The following ANKS1B variants were observed in gnomAD, a reference collection of about 807,000 sequenced individuals.
ANKS1B encodes the protein ankyrin repeat and sterile alpha motif domain-containing protein 1B.
ANKS1B carries 36 observed loss-of-function variants against 148.3 expected under a neutral mutation model. The ratio of observed to expected loss-of-function variants is 0.24; its 90% CI spans 0.19 to 0.32. ANKS1B has a LOEUF of 0.32. Among genes scored for constraint, ANKS1B ranks in the 10% least tolerant of loss-of-function variants. The probability of loss-of-function intolerance (pLI) is 1.00; values close to 1 mark genes in which losing one functional copy is unlikely to be tolerated. For synonymous variants in ANKS1B, 542 were observed against 560.8 expected, an observed-to-expected ratio of 0.97 and a Z score of 0.47; for missense variants, 1,157 against 1,542.6, an observed-to-expected ratio of 0.75 and a Z score of 4.19.
At chr12:99,640,875 C>A (rs1228062736) in intron 9 of ANKS1B, among the ~76,000 whole-genome samples, 1 of 152,158 alleles carries the variant, frequency 6.6e-6, no homozygotes, top group African/African-American at 2.4e-5. Context: ...CGACTTTTTA[C>A]AACTTATGGC....
At chr12:99,807,277 G>C (rs1222361642) in intron 3 of ANKS1B, among the ~76,000 whole-genome samples, 1 of 152,172 alleles carries the variant, frequency 6.6e-6, no homozygotes, top group Non-Finnish European at 1.5e-5. Context: ...TGGGTTGTGA[G>C]GATGGACCTA....
intron 15 of ANKS1B, among the ~76,000 whole-genome samples, chr12:99,117,067 C>T (rs2061589073): frequency 6.6e-6 from 1 of 152,166 alleles, no homozygotes; most frequent in Non-Finnish European, 1.5e-5. Flanking sequence ...TGAGACTTTG[C>T]TGAAGTTGCT....
At chr12:99,846,951 T>C (rs1373155573) in intron 1 of ANKS1B, among the ~76,000 whole-genome samples, 1 of 152,066 alleles carries the variant, frequency 6.6e-6, no homozygotes, top group African/African-American at 2.4e-5. Context: ...TGGGTTTCCT[T>C]CCCAAAGTTC....
At chr12:99,416,923 G>A (rs2094927166) in intron 11 of ANKS1B, among the ~76,000 whole-genome samples, 6 of 152,132 alleles carry the variant, frequency 3.9e-5, no homozygotes, top group Admixed American at 3.3e-4. Flanking sequence ...AGGTGGGGAG[G>A]GAGACAGTGC....
At chr12:99,659,158 C>T (rs891832293) in intron 8 of ANKS1B, among the ~76,000 whole-genome samples, 1 of 152,094 alleles carries the variant, frequency 6.6e-6, no homozygotes, top group African/African-American at 2.4e-5. Context: ...TTTAGCACTG[C>T]CCCCTAAAGA....
chr12:99,237,081 T>C (rs1053239642), intron 14 of ANKS1B, among the ~76,000 whole-genome samples: 12 of 152,168 alleles, frequency 7.9e-5, no homozygotes, highest in African/African-American at 2.7e-4. Context: ...CATACTTGTA[T>C]CCCTGAACAT....
intron 15 of ANKS1B, among the ~76,000 whole-genome samples, chr12:99,148,185 A>T (rs2073803292): frequency 6.6e-6 from 1 of 152,128 alleles, no homozygotes; most frequent in Admixed American, 6.6e-5. Context: ...TAAATTTCTC[A>T]TCTCAAATAT....
At chr12:99,502,643 A>G (rs2096666762) in intron 10 of ANKS1B, among the ~76,000 whole-genome samples, 1 of 152,134 alleles carries the variant, frequency 6.6e-6, no homozygotes, top group Non-Finnish European at 1.5e-5. Flanking sequence ...GAGGCCAGCT[A>G]ATGTTTCAAT....
chr12:99,869,961 T>C (rs1254968637), intron 1 of ANKS1B, among the ~76,000 whole-genome samples: 1 of 152,212 alleles, frequency 6.6e-6, no homozygotes, highest in East Asian at 1.9e-4. Flanking sequence ...TCAACTTTTA[T>C]TTTAGATTCG....
intron 17 of ANKS1B, among the ~76,000 whole-genome samples, chr12:99,001,423 C>A (rs966905637): frequency 1.1e-4 from 16 of 152,144 alleles, no homozygotes; most frequent in Non-Finnish European, 1.8e-4. Flanking sequence ...GCCACCATGC[C>A]AGGCCCCAGT....
chr12:99,423,205 T>A (rs1426819695), intron 11 of ANKS1B, among the ~76,000 whole-genome samples: 2 of 151,804 alleles, frequency 1.3e-5, no homozygotes, highest in Non-Finnish European at 2.9e-5. Flanking sequence ...GAACTATGAA[T>A]TTATAACATT....
At chr12:99,854,066 A>C (rs1420550829) in intron 1 of ANKS1B, among the ~76,000 whole-genome samples, 1 of 152,158 alleles carries the variant, frequency 6.6e-6, no homozygotes, top group Non-Finnish European at 1.5e-5. Context: ...GATGGTGTGC[A>C]GTGGTGCGAT....
chr12:99,116,567 A>G (rs7309657), intron 15 of ANKS1B, among the ~76,000 whole-genome samples: 2 of 151,972 alleles, frequency 1.3e-5, no homozygotes, highest in African/African-American at 4.8e-5. Context: ...TTGGGTTAGG[A>G]CCTGTCTTTT....
At chr12:98,741,780 A>G (rs2097800751), downstream of ANKS1B, among the ~76,000 whole-genome samples, 1 of 152,228 alleles carries the variant, frequency 6.6e-6, no homozygotes, top group South Asian at 2.1e-4. Flanking sequence ...TGCACTTTTG[A>G]GAATCAGAGA....
chr12:99,885,681 G>A (rs969628376), intron 1 of ANKS1B, among the ~76,000 whole-genome samples: 1 of 152,076 alleles, frequency 6.6e-6, no homozygotes, highest in Non-Finnish European at 1.5e-5. Context: ...GAAGTCTGAA[G>A]TTTTAGTGTA....
chr12:98,933,308 T>C (rs1055193200), intron 17 of ANKS1B, among the ~76,000 whole-genome samples: 20 of 152,206 alleles, frequency 1.3e-4, no homozygotes, highest in Admixed American at 7.9e-4. Flanking sequence ...TGTTGTCACA[T>C]ATTGCAGAGT....
intron 10 of ANKS1B, among the ~76,000 whole-genome samples, chr12:99,487,577 A>T (rs967590429): frequency 6.0e-5 from 9 of 150,480 alleles, no homozygotes; most frequent in African/African-American, 2.2e-4. Context: ...CAGTGCTACA[A>T]GCATGTATGT....
chr12:99,934,807 T>G (rs2094717112), intron 1 of ANKS1B, among the ~76,000 whole-genome samples: 2 of 152,050 alleles, frequency 1.3e-5, no homozygotes, highest in Admixed American at 1.3e-4. Flanking sequence ...CATCTCACAA[T>G]GAAGAGAGGA....
chr12:99,216,369 T>C (rs1285319806), intron 14 of ANKS1B, among the ~76,000 whole-genome samples: 1 of 152,230 alleles, frequency 6.6e-6, no homozygotes, highest in Non-Finnish European at 1.5e-5. Flanking sequence ...AGAATAACAT[T>C]TGTAGCATGT....
Sources: gnomAD v4.1 joint callset for allele counts (sites outside exome capture counted in the v4.1 genomes callset) on GRCh38, gnomAD v4.1.1 for gene constraint, MANE v1.5 for transcripts, NCBI Gene and HGNC (gene_info 2026-07-23, HGNC 2026-07-21) for gene names.